Variants in ZNF521 observed in about 807,000 individuals in gnomAD.
The protein encoded by ZNF521 is LYST-interacting protein 3.
A neutral mutation model predicts 105.5 loss-of-function variants in ZNF521; 14 were observed. That is an observed-to-expected ratio of 0.13 (90% CI 0.09 to 0.21). ZNF521 has a LOEUF of 0.21. ZNF521 is among the 10% of genes least tolerant of loss of function. The pLI, the probability that ZNF521 is intolerant of heterozygous loss-of-function variation, is 1.00. For missense variants in ZNF521, 1,233 were observed against 1,629.7 expected (o/e 0.76, Z 4.19); for synonymous variants, 635 against 606.0 (o/e 1.05, Z -0.70).
intron 7 of ZNF521, among the ~76,000 whole-genome samples, chr18:25,063,848 T>C (rs889582807): frequency 1.9e-4 from 29 of 152,186 alleles, no homozygotes; most frequent in African/African-American, 6.3e-4. Context: ...TATTACAACC[T>C]TGGGGCCCAG....
intron 5 of ZNF521, among the ~76,000 whole-genome samples, chr18:25,167,763 T>TC (rs1190379726): frequency 2.0e-5 from 3 of 152,176 alleles, no homozygotes; most frequent in African/African-American, 7.2e-5. Flanking sequence ...TTGTGCCCCA[T>TC]CTGTCAAACT....
chr18:25,231,387 G>T (rs1476491670), intron 3 of ZNF521: 1 of 152,270 alleles, frequency 6.6e-6, no homozygotes, highest in African/African-American at 2.4e-5. Context: ...GCATATTTAT[G>T]GGGGAAAGTG....
chr18:25,263,668 C>G (rs1387896114), intron 3 of ZNF521, among the ~76,000 whole-genome samples: 2 of 152,168 alleles, frequency 1.3e-5, no homozygotes, highest in Non-Finnish European at 2.9e-5. Context: ...TTCTGCCTTC[C>G]GGGTTCAAGC....
Position 25,224,800 on chromosome 18 carries a change from T to C in ZNF521, c.3118A>G (p.Thr1040Ala). 6.2e-7 allele frequency: 1 copy of C among 1,614,066 alleles called. No homozygotes were observed. Among genetic ancestry groups the C allele is most frequent in the Non-Finnish European group, 8.5e-7 (1 of 1,180,008 alleles). The change falls in exon 4 of 8, where the codon ACG becomes GCG. Residue 1040 changes from threonine to alanine, a missense_variant. Transcript: ENST00000361524. ...TTCCCTGTCTTTTGCATGTGGAACG[T>C]CCCATGGATTTTGAGTTCCAAGGTG... is the stretch of plus-strand genomic sequence containing the variant. The part of the protein sequence containing the change: ...TSTLELKIHG[T>A]FHMQKTGNGS...
At chr18:25,326,433 A>C (rs1913226907) in intron 2 of ZNF521, among the ~76,000 whole-genome samples, 1 of 152,226 alleles carries the variant, frequency 6.6e-6, no homozygotes, top group Non-Finnish European at 1.5e-5. Flanking sequence ...TCTGCAGCTC[A>C]GTGGTAAAGT....
At chr18:25,311,569 A>G (rs1030609217) in intron 3 of ZNF521, among the ~76,000 whole-genome samples, 3 of 152,054 alleles carry the variant, frequency 2.0e-5, no homozygotes, top group Non-Finnish European at 4.4e-5. Context: ...CTTTTAATTC[A>G]TCTTCCCCAC....
intron 7 of ZNF521, among the ~76,000 whole-genome samples, chr18:25,069,430 C>A (rs2033159550): frequency 6.6e-6 from 1 of 152,142 alleles, no homozygotes; most frequent in South Asian, 2.1e-4. Flanking sequence ...TAATTTTCAA[C>A]TGATTAAAAG....
At chr18:25,141,560 T>C (rs2034848592) in intron 5 of ZNF521, among the ~76,000 whole-genome samples, 1 of 152,186 alleles carries the variant, frequency 6.6e-6, no homozygotes, top group Non-Finnish European at 1.5e-5. Flanking sequence ...GCGAATAACT[T>C]ACTGCTCTTT....
intron 3 of ZNF521, among the ~76,000 whole-genome samples, chr18:25,263,176 A>C (rs1161751591): frequency 6.6e-6 from 1 of 152,188 alleles, no homozygotes; most frequent in Non-Finnish European, 1.5e-5. Context: ...CCAGGACAAA[A>C]GTTTATTAAA....
At chr18:25,249,147 CTT>C (rs747508227) in intron 3 of ZNF521, among the ~76,000 whole-genome samples, 25 of 143,924 alleles carry the variant, frequency 1.7e-4, no homozygotes, top group Admixed American at 2.8e-4. Flanking sequence ...TCTTTACTTT[CTT>C]TTTTTTTTTT....
At chr18:25,348,420 G>C (rs1259505942) in intron 2 of ZNF521, among the ~76,000 whole-genome samples, 1 of 152,094 alleles carries the variant, frequency 6.6e-6, no homozygotes. Flanking sequence ...ATATCAAAAT[G>C]ATTCGTTTGG....
intron 5 of ZNF521, among the ~76,000 whole-genome samples, chr18:25,156,571 A>C (rs2144506512): frequency 6.6e-6 from 1 of 152,284 alleles, no homozygotes; most frequent in Non-Finnish European, 1.5e-5. Flanking sequence ...TCTTGACTTA[A>C]ATTTTATACA....
At chr18:25,175,931 T>G (rs542163433) in intron 5 of ZNF521, among the ~76,000 whole-genome samples, 4 of 152,362 alleles carry the variant, frequency 2.6e-5, no homozygotes, top group Admixed American at 2.6e-4. Flanking sequence ...TCAGGCTCTA[T>G]GACTTACACA....
chr18:25,350,984 C>G (rs985304762), intron 1 of ZNF521, 37 bp from the exon 2 acceptor site: 2 of 1,531,798 alleles, frequency 1.3e-6, no homozygotes, highest in Non-Finnish European at 1.8e-6. Flanking sequence ...CAATTCAGCC[C>G]TGAAAGAAAC....
intron 7 of ZNF521, among the ~76,000 whole-genome samples, chr18:25,073,118 C>T (rs2033267470): frequency 1.3e-5 from 2 of 152,128 alleles, no homozygotes; most frequent in African/African-American, 2.4e-5. Flanking sequence ...TCTCGGTGCA[C>T]ACAACCAACT....
At chr18:25,236,253 G>C (rs1169833681) in intron 3 of ZNF521, among the ~76,000 whole-genome samples, 2 of 152,122 alleles carry the variant, frequency 1.3e-5, no homozygotes, top group African/African-American at 4.8e-5. Flanking sequence ...CAGAGATGAG[G>C]GGCTGGGCGC....
chr18:25,165,526 G>T (rs547548730), intron 5 of ZNF521, among the ~76,000 whole-genome samples: 1 of 152,178 alleles, frequency 6.6e-6, no homozygotes. Context: ...CTTCTCCAGA[G>T]ACCTCAGAGC....
rs560802569 is a variant in ZNF521 at position 25,255,787 on chromosome 18, C to T, written c.221-28090G>A. Among the ~76,000 whole-genome samples the T allele has an allele frequency of 2.8e-4, 42 of 151,858 alleles. 1 individual carries two copies. Among genetic ancestry groups the T allele is most frequent in the African/African-American group, 9.9e-4 (41 of 41,434 alleles). On this transcript the variant is annotated intron_variant, in intron 3 of 7. Transcript: ENST00000361524. The stretch of plus-strand genomic sequence containing the variant: ...ACGACCCAGCAATGCCACTTCTGGA[C>T]ATATACTCAAAAGAAATGAAAGCAC...
chr18:25,350,832 A>G (rs1005650315), intron 2 of ZNF521, 75 bp downstream of exon 2: 4 of 1,501,362 alleles, frequency 2.7e-6, no homozygotes, highest in Non-Finnish European at 3.6e-6. Context: ...CCTCGCAGCC[A>G]CGCAGCCCTC....
Sources: gnomAD v4.1 joint callset for allele counts (sites outside exome capture counted in the v4.1 genomes callset) on GRCh38, gnomAD v4.1.1 for gene constraint, MANE v1.5 for transcripts, NCBI Gene and HGNC (gene_info 2026-07-23, HGNC 2026-07-21) for gene names.